RANBP2: variants seen among roughly 807,000 people sequenced by gnomAD.
RANBP2 encodes the protein RAN binding protein 2, also known as E3 SUMO-protein ligase RanBP2.
Under a neutral mutation model 303.6 loss-of-function variants are expected in RANBP2, and 57 were observed. That is an observed-to-expected ratio of 0.19 (90% CI 0.15 to 0.23). The LOEUF (loss-of-function observed/expected upper bound fraction) is 0.23, where lower values mean the gene tolerates loss of function less well. Among genes scored for constraint, RANBP2 ranks in the 10% least tolerant of loss-of-function variants. The pLI, the probability that RANBP2 is intolerant of heterozygous loss-of-function variation, is 1.00. For missense variants in RANBP2, 3,138 were observed against 3,780.8 expected (o/e 0.83, Z 4.46); for synonymous variants, 1,167 against 1,301.5 (o/e 0.90, Z 2.23).
chr2:108,724,570 C>G (rs1382561532), intron 1 of RANBP2, among the ~76,000 whole-genome samples: 1 of 151,698 alleles, frequency 6.6e-6, no homozygotes, highest in East Asian at 1.9e-4. Context: ...TGGAAGTGTC[C>G]TTTCAATTGG....
At chr2:109,068,914 G>T in the RANBP2 span, among the ~76,000 whole-genome samples, 1 of 152,122 alleles carries the variant, frequency 6.6e-6, no homozygotes, top group Non-Finnish European at 1.5e-5. Flanking sequence ...AAAACCAATT[G>T]ATTTTACCAT....
the RANBP2 span, among the ~76,000 whole-genome samples, chr2:108,855,076 A>G: frequency 1.3e-3 from 203 of 152,318 alleles, 1 homozygote; most frequent in African/African-American, 4.6e-3. Flanking sequence ...ATAAAAAGAA[A>G]CCAACTTTGA....
the RANBP2 span, among the ~76,000 whole-genome samples, chr2:109,283,571 G>A: frequency 2.0e-5 from 3 of 152,154 alleles, no homozygotes; most frequent in Admixed American, 6.5e-5. Flanking sequence ...GAGCAGGATG[G>A]GGGCACACTT....
At chr2:108,821,928 C>A in the RANBP2 span, among the ~76,000 whole-genome samples, 322 of 130,682 alleles carry the variant, frequency 2.5e-3, no homozygotes, top group East Asian at 2.6e-3. Context: ...AACTTTGTCT[C>A]AAAAAAAAAA....
chr2:108,819,569 C>G, the RANBP2 span, among the ~76,000 whole-genome samples: 2 of 152,152 alleles, frequency 1.3e-5, no homozygotes, highest in Non-Finnish European at 2.9e-5. Context: ...TGAGAGGAAA[C>G]AGCGATAAGT....
the RANBP2 span, among the ~76,000 whole-genome samples, chr2:109,006,255 G>A: frequency 6.6e-6 from 1 of 152,028 alleles, no homozygotes; most frequent in South Asian, 2.1e-4. Context: ...GTGCAATGGC[G>A]CGATCTCGGC....
the RANBP2 span, among the ~76,000 whole-genome samples, chr2:109,426,021 C>T: frequency 7.9e-5 from 12 of 152,322 alleles, no homozygotes; most frequent in South Asian, 2.5e-3. Flanking sequence ...CCTCAGCCTT[C>T]CCGGTAGCTG....
the RANBP2 span, among the ~76,000 whole-genome samples, chr2:109,237,728 C>T: frequency 6.6e-5 from 10 of 152,070 alleles, no homozygotes; most frequent in African/African-American, 9.7e-5. Flanking sequence ...TTTAAATGCC[C>T]GTGTCTTTGA....
At chr2:109,644,669 C>T in the RANBP2 span, among the ~76,000 whole-genome samples, 1 of 152,166 alleles carries the variant, frequency 6.6e-6, no homozygotes, top group South Asian at 2.1e-4. Flanking sequence ...TCCCCAAGGG[C>T]ATGTGAAACA....
At chr2:109,513,893 AG>A in the RANBP2 span, among the ~76,000 whole-genome samples, 16,157 of 152,186 alleles carry the variant, frequency 0.11, 921 homozygotes, top group East Asian at 0.22. Flanking sequence ...CAGCTACCCC[AG>A]GGGGACCACC....
At chr2:109,465,191 G>T in the RANBP2 span, among the ~76,000 whole-genome samples, 1 of 152,174 alleles carries the variant, frequency 6.6e-6, no homozygotes, top group East Asian at 1.9e-4. Flanking sequence ...CCATTGTCCA[G>T]ATGTACCACA....
chr2:109,120,503 C>T, the RANBP2 span, among the ~76,000 whole-genome samples: 2 of 152,088 alleles, frequency 1.3e-5, no homozygotes, highest in African/African-American at 4.8e-5. Flanking sequence ...CGCCCTCCAC[C>T]CCCAGGGTAT....
chr2:109,387,930 A>G, the RANBP2 span, among the ~76,000 whole-genome samples: 10 of 150,244 alleles, frequency 6.7e-5, no homozygotes, highest in Non-Finnish European at 1.2e-4. Context: ...CTGCTCCCAC[A>G]CTGGCCCAGA....
chr2:109,545,529 G>A, the RANBP2 span: 27 of 1,535,800 alleles, frequency 1.8e-5, no homozygotes, highest in Admixed American at 1.2e-4. Flanking sequence ...AGTTCGAATC[G>A]ACAGCCTGGT....
At chr2:109,537,143 A>G in the RANBP2 span, among the ~76,000 whole-genome samples, 3 of 152,196 alleles carry the variant, frequency 2.0e-5, no homozygotes, top group South Asian at 6.2e-4. Context: ...GAAGGTTTTC[A>G]ATATTTCACC....
At chr2:108,937,597 TGA>T in the RANBP2 span, among the ~76,000 whole-genome samples, 6 of 144,264 alleles carry the variant, frequency 4.2e-5, no homozygotes, top group African/African-American at 1.5e-4. Flanking sequence ...TATTTGTATA[TGA>T]GTGTGTGTAT....
chr2:108,950,208 C>T, the RANBP2 span, among the ~76,000 whole-genome samples: 1 of 146,896 alleles, frequency 6.8e-6, no homozygotes, highest in Non-Finnish European at 1.5e-5. Flanking sequence ...TCCCTACCTC[C>T]CTCCCTCCCT....
chr2:109,049,127 C>A, the RANBP2 span, among the ~76,000 whole-genome samples: 208 of 152,274 alleles, frequency 1.4e-3, no homozygotes, highest in Middle Eastern at 3.4e-3. Flanking sequence ...CCTAGGAGAC[C>A]ATGGTGAGGA....
At chr2:109,493,609 A>G in the RANBP2 span, among the ~76,000 whole-genome samples, 2 of 150,994 alleles carry the variant, frequency 1.3e-5, no homozygotes, top group East Asian at 2.0e-4. Flanking sequence ...AACCACACAC[A>G]CTGCAAACNC....
Sources: allele counts gnomAD v4.1 joint callset (sites outside exome capture counted in the v4.1 genomes callset), GRCh38; gene constraint gnomAD v4.1.1; transcripts MANE v1.5; gene names NCBI Gene and HGNC (gene_info 2026-07-23, HGNC 2026-07-21).